The following EPHA3 variants were observed in gnomAD, a reference collection of about 807,000 sequenced individuals.
EPHA3 encodes ephrin type-A receptor 3.
A neutral mutation model predicts 107.1 loss-of-function variants in EPHA3; 42 were observed. That is an observed-to-expected ratio of 0.39 (90% CI 0.31 to 0.51). EPHA3 has a LOEUF of 0.51. EPHA3 is among the 20% of genes least tolerant of loss of function. The probability of loss-of-function intolerance (pLI) is 0.78; values close to 1 mark genes in which losing one functional copy is unlikely to be tolerated. For missense variants in EPHA3, 1,183 were observed against 1,211.2 expected (o/e 0.98, Z 0.35); for synonymous variants, 461 against 424.8 (o/e 1.09, Z -1.05).
chr3:89,252,797 G>T (rs370128094), intron 3 of EPHA3, among the ~76,000 whole-genome samples: 1 of 151,062 alleles, frequency 6.6e-6, no homozygotes, highest in East Asian at 1.9e-4. Flanking sequence ...GATACAATAT[G>T]ATTTGCAGGG....
chr3:89,331,871 T>G (rs532769269), intron 3 of EPHA3, among the ~76,000 whole-genome samples: 4 of 152,202 alleles, frequency 2.6e-5, no homozygotes, highest in African/African-American at 9.6e-5. Context: ...TCTAGGAGTT[T>G]TCCTATACAT....
intron 1 of EPHA3, among the ~76,000 whole-genome samples, chr3:89,116,061 T>TG (rs1455225889): frequency 2.0e-5 from 3 of 152,132 alleles, no homozygotes; most frequent in Non-Finnish European, 2.9e-5. Context: ...TATCTGCGTG[T>TG]GGGGGGGACC....
At chr3:89,438,400 C>T (rs1194162044) in intron 13 of EPHA3, among the ~76,000 whole-genome samples, 4 of 152,118 alleles carry the variant, frequency 2.6e-5, no homozygotes, top group Admixed American at 1.3e-4. Context: ...TGTGAGCCAC[C>T]GTGCCTGGCC....
At chr3:89,281,004 A>ATTTATTAT (rs71105126) in intron 3 of EPHA3, among the ~76,000 whole-genome samples, 1 of 147,280 alleles carries the variant, frequency 6.8e-6, no homozygotes, top group African/African-American at 2.6e-5. Context: ...CAAGATTTTT[A>ATTTATTAT]TTATTTATTT....
At position 89,107,652 on chromosome 3, in the gene EPHA3, A is replaced by C; in HGVS notation, c.-97A>C. On this transcript the variant is annotated 5_prime_UTR_variant, in exon 1 of 17. Transcript: ENST00000336596. The stretch of plus-strand genomic sequence containing the variant: ...AAACTTGACATCAGCCTGCGAGCGG[A>C]GCATGGTAACTTCTCCAGCAATCAG... The C allele has an allele frequency of 8.8e-7, 1 of 1,131,026 alleles. No individual in the cohort carries two copies. The highest frequency in any genetic ancestry group is 1.3e-6 in the Non-Finnish European group (1 of 757,750). The allele number at this position is 1,131,026 out of a possible 1,614,324, so 70.1% of individuals were successfully genotyped here.
At chr3:89,174,726 A>G (rs1559585625) in intron 2 of EPHA3, among the ~76,000 whole-genome samples, 1 of 152,056 alleles carries the variant, frequency 6.6e-6, no homozygotes, top group Non-Finnish European at 1.5e-5. Flanking sequence ...ACCAAGTTAA[A>G]TTATGAAATA....
chr3:89,305,908 AT>A (rs1358943451), intron 3 of EPHA3, among the ~76,000 whole-genome samples: 1 of 152,168 alleles, frequency 6.6e-6, no homozygotes. Context: ...AGTAATTTTT[AT>A]GGAAAGTTCT....
At chr3:89,258,983 A>G (rs1705351686) in intron 3 of EPHA3, among the ~76,000 whole-genome samples, 1 of 152,140 alleles carries the variant, frequency 6.6e-6, no homozygotes, top group Non-Finnish European at 1.5e-5. Context: ...CGCCTGAATA[A>G]GGTCTGTATC....
intron 2 of EPHA3, among the ~76,000 whole-genome samples, chr3:89,199,725 A>C (rs1412907915): frequency 2.0e-5 from 3 of 151,688 alleles, no homozygotes; most frequent in Non-Finnish European, 4.4e-5. Context: ...AGTTTCTAGA[A>C]ATGTATACCT....
intron 15 of EPHA3, among the ~76,000 whole-genome samples, chr3:89,454,525 A>G (rs952914309): frequency 6.6e-6 from 1 of 152,130 alleles, no homozygotes; most frequent in South Asian, 2.1e-4. Context: ...GGACCACTGC[A>G]ATAGGCTCCT....
In EPHA3 at chr3:89,247,151, G is replaced by C. The variant is rs372397215; in HGVS notation, c.814+36631G>C. Reference sequence around the variant, plus strand: ...ATTACCAAAAAGTCCTAGTTTGGGAGATAAAGAATAGGGAGAAGACAAATA... The same window carrying C: ...ATTACCAAAAAGTCCTAGTTTGGGACATAAAGAATAGGGAGAAGACAAATA... On this transcript the variant is annotated intron_variant, in intron 3 of 16. Coordinates refer to ENST00000336596, the MANE Select transcript of EPHA3 (RefSeq NM_005233.6). 3.9e-5 allele frequency among the ~76,000 whole-genome samples: 6 copies of C among 152,260 alleles called. No individual in the cohort carries two copies. In the East Asian group the frequency reaches 1.2e-3, roughly 29 times the overall value.
intron 2 of EPHA3, among the ~76,000 whole-genome samples, chr3:89,207,717 A>G (rs1576230632): frequency 6.6e-6 from 1 of 152,164 alleles, no homozygotes; most frequent in East Asian, 1.9e-4. Context: ...TGGGCTTCAC[A>G]AGGGTTTTAT....
At chr3:89,429,065 G>T (rs1357801675) in intron 11 of EPHA3, 41 bp from the exon 12 acceptor site, 3 of 1,379,532 alleles carry the variant, frequency 2.2e-6, no homozygotes, top group South Asian at 2.4e-5. Context: ...TATAATACTT[G>T]AACTGTACTG....
rs115990030 is a variant in EPHA3 at position 89,255,012 on chromosome 3, C to T, written c.814+44492C>T. The stretch of plus-strand genomic sequence containing the variant: ...AGAAAAATGCTTTCTGAGATTCAAA[C>T]AATTAATTCATAAAAAGTTTTCAGA... On this transcript the variant is annotated intron_variant, in intron 3 of 16. Transcript: ENST00000336596. Among the ~76,000 whole-genome samples, 1,406 of 152,218 alleles carry T rather than the reference C, an allele frequency of 9.2e-3. 25 individuals are homozygous for T. The highest frequency in any genetic ancestry group is 0.032 in the African/African-American group (1,344 of 41,542).
intron 3 of EPHA3, among the ~76,000 whole-genome samples, chr3:89,277,715 G>T (rs1004871583): frequency 1.9e-4 from 29 of 152,178 alleles, no homozygotes; most frequent in Middle Eastern, 3.4e-3. Context: ...ATGCCCTAGT[G>T]TTCTATTGCT....
chr3:89,160,001 A>C (rs1242173167), intron 2 of EPHA3, among the ~76,000 whole-genome samples: 5 of 151,998 alleles, frequency 3.3e-5, no homozygotes, highest in African/African-American at 1.2e-4. Context: ...AAAATAAAAG[A>C]AAAATTATAC....
chr3:89,471,003 C>T (rs1333334775), intron 15 of EPHA3, among the ~76,000 whole-genome samples: 3 of 152,148 alleles, frequency 2.0e-5, no homozygotes, highest in Non-Finnish European at 4.4e-5. Flanking sequence ...GCCTTAAAAA[C>T]TTATTTCTGT....
intron 2 of EPHA3, among the ~76,000 whole-genome samples, chr3:89,159,127 A>G (rs1481092312): frequency 2.0e-5 from 3 of 152,096 alleles, no homozygotes; most frequent in African/African-American, 7.2e-5. Context: ...ATGTGATTTT[A>G]CTGATTCATT....
At chr3:89,359,782 CAT>C (rs1292144661) in intron 5 of EPHA3, among the ~76,000 whole-genome samples, 37 of 143,102 alleles carry the variant, frequency 2.6e-4, no homozygotes, top group South Asian at 8.6e-4. Context: ...CATATATATA[CAT>C]ATATATACAT....
Sources: gnomAD v4.1 joint callset for allele counts (sites outside exome capture counted in the v4.1 genomes callset) on GRCh38, gnomAD v4.1.1 for gene constraint, MANE v1.5 for transcripts, NCBI Gene and HGNC (gene_info 2026-07-23, HGNC 2026-07-21) for gene names.